The following MYO5C variants were observed in gnomAD, a reference collection of about 807,000 sequenced individuals.
MYO5C encodes the protein unconventional myosin-Vc.
MYO5C carries 194 observed loss-of-function variants against 235.7 expected under a neutral mutation model. That is an observed-to-expected ratio of 0.82 (90% confidence interval 0.73 to 0.93). The LOEUF is 0.93. MYO5C is among the 40% of genes least tolerant of loss of function. The pLI is 0.00. For missense variants in MYO5C, 2,038 were observed against 2,127.2 expected, an observed-to-expected ratio of 0.96 and a Z score of 0.82; for synonymous variants, 707 against 754.8, an observed-to-expected ratio of 0.94 and a Z score of 1.04.
chr15:52,283,125 G>A (rs1258444941), intron 1 of MYO5C, among the ~76,000 whole-genome samples: 4 of 152,098 alleles, frequency 2.6e-5, no homozygotes, highest in African/African-American at 7.2e-5. Context: ...AACCTTGAAC[G>A]CTGAAAGCCT....
Position 52,205,858 on chromosome 15 carries a change from G to A in MYO5C, c.4495C>T (p.Gln1499Ter). Residue 1499 changes from glutamine to a stop codon, truncating the protein, a stop_gained, in exon 37 of 41, where the codon CAA (glutamine) becomes TAA (stop). Coordinates refer to ENST00000261839, the MANE Select transcript of MYO5C (RefSeq NM_018728.4). LOFTEE classifies it high-confidence loss of function. The part of the protein sequence containing the change: ...LSDVAIRIYH[Q>*]FIIIMEKNIQ... ...TTCTTTTCCATTATGATAATAAATT[G>A]ATGATATATTCGTATAGCCACATCA... 1.3e-6 allele frequency: 2 copies of A among 1,587,502 alleles called. No homozygotes were observed. Among genetic ancestry groups the A allele is most frequent in the African/African-American group, 2.7e-5 (2 of 74,458 alleles).
intron 24 of MYO5C, 144 bp downstream of exon 24, chr15:52,232,478 C>T (rs577466349): frequency 4.0e-6 from 3 of 753,182 alleles, no homozygotes; most frequent in Non-Finnish European, 6.9e-6. Flanking sequence ...ACTTAGCTCT[C>T]ATAAATCTCT....
At chr15:52,251,348 A>G in intron 13 of MYO5C, 42 bp downstream of exon 13, 1 of 1,544,990 alleles carries the variant, frequency 6.5e-7, no homozygotes, top group Non-Finnish European at 8.8e-7. Context: ...GAGGCTGTAC[A>G]GGTTCCGGGG....
rs571018388 is a variant in MYO5C, at chr15:52,245,555, T to C, written c.2067-90A>G. ...GCTGCCTTACCTGCCACTGTTGTCA[T>C]AGGGCGGGGGTGGTGCAATCTGTCC... On this transcript the variant is annotated intron_variant, in intron 17 of 40. Transcript: ENST00000261839. 5.1e-5 allele frequency: 46 copies of C among 901,118 alleles called. No homozygotes were observed. The African/African-American group carries it at 7.5e-4, about 15-fold the overall frequency. 55.8% of individuals were successfully genotyped at this position (901,118 alleles called of 1,614,324 possible).
At chr15:52,272,496 G>C in intron 6 of MYO5C, 84 bp downstream of exon 6, 1 of 1,342,424 alleles carries the variant, frequency 7.4e-7, no homozygotes, top group Non-Finnish European at 1.0e-6. Flanking sequence ...TCACAGCATA[G>C]TGTAGCTTGC....
intron 10 of MYO5C, among the ~76,000 whole-genome samples, chr15:52,257,971 G>A (rs966543578): frequency 5.3e-5 from 8 of 152,150 alleles, no homozygotes; most frequent in Non-Finnish European, 1.0e-4. Flanking sequence ...CATTCCACAC[G>A]CAGCCTTGGT....
At position 52,223,708 on chromosome 15, in the gene MYO5C, A is replaced by G; in HGVS notation, c.3463T>C (p.Phe1155Leu). The change falls in exon 29 of 41, where the codon TTC becomes CTC. Residue 1155 changes from phenylalanine to leucine, a missense_variant. Transcript: ENST00000261839. ...TCATAGCAATCCTTCTGAGACTGGA[A>G]ATGGCTCTCCAAAACACTATTAAAG... ...KKATRVLESH[F>L]QSQKDCYEKE... is the part of the protein sequence containing the mutation. 1 of 1,614,016 alleles carries G rather than the reference A, an allele frequency of 6.2e-7. No individual in the cohort carries two copies. Among genetic ancestry groups the G allele is most frequent in the South Asian group, 1.1e-5 (1 of 91,022 alleles).
intron 1 of MYO5C, among the ~76,000 whole-genome samples, chr15:52,290,143 C>CT (rs1228551092): frequency 6.6e-6 from 1 of 152,128 alleles, no homozygotes; most frequent in African/African-American, 2.4e-5. Flanking sequence ...GGCATTTGAA[C>CT]TTTAAGAGCC....
chr15:52,241,189 C>T (rs1473109542), intron 20 of MYO5C, among the ~76,000 whole-genome samples: 2 of 151,860 alleles, frequency 1.3e-5, no homozygotes, highest in Non-Finnish European at 2.9e-5. Context: ...AGTTGGACAC[C>T]CTGGACATCC....
chr15:52,277,977 G>T (rs1223106401), intron 4 of MYO5C: 3 of 455,910 alleles, frequency 6.6e-6, no homozygotes, highest in African/African-American at 4.0e-5. Flanking sequence ...ATGCAGTAAA[G>T]ATTTAGGTAA....
intron 18 of MYO5C, among the ~76,000 whole-genome samples, chr15:52,244,803 G>A (rs963399925): frequency 2.0e-5 from 3 of 152,222 alleles, no homozygotes; most frequent in African/African-American, 7.2e-5. Flanking sequence ...GAGAAGGGGA[G>A]TGAGTGTCAT....
At position 52,233,946 on chromosome 15, in the gene MYO5C, T is replaced by C. The variant is rs77859936; in HGVS notation, c.2963-1261A>G. 6.4e-3 allele frequency among the ~76,000 whole-genome samples: 976 copies of C among 152,298 alleles called. 9 individuals carry two copies. The highest frequency in any genetic ancestry group is 0.011 in the Non-Finnish European group (717 of 68,016). ...TTTTTTTTAGCCAACAGTTTAATAG[T>C]TTGTCTAACATAGTGCCAAATGTTT... On this transcript the variant is annotated intron_variant, in intron 23 of 40. Transcript: ENST00000261839.
At chr15:52,230,710 C>G (rs1232935508) in intron 24 of MYO5C, among the ~76,000 whole-genome samples, 1 of 150,706 alleles carries the variant, frequency 6.6e-6, no homozygotes, top group East Asian at 2.0e-4. Context: ...CACATAACCT[C>G]TTTTTTCTAC....
chr15:52,229,051 T>C (rs2035891512), intron 25 of MYO5C, 82 bp downstream of exon 25: 2 of 1,535,586 alleles, frequency 1.3e-6, no homozygotes, highest in Admixed American at 3.6e-5. Context: ...CAGATGCTTT[T>C]AGCTGTCTAA....
At chr15:52,218,281 C>T (rs1344513433) in intron 32 of MYO5C, among the ~76,000 whole-genome samples, 1 of 152,136 alleles carries the variant, frequency 6.6e-6, no homozygotes. Flanking sequence ...TGGGGAACTA[C>T]GGCCTGCACC....
intron 12 of MYO5C, 41 bp downstream of exon 12, chr15:52,253,276 C>G (rs919438591): frequency 5.1e-6 from 8 of 1,581,892 alleles, no homozygotes; most frequent in Non-Finnish European, 4.3e-6. Flanking sequence ...TCATCTGTTA[C>G]TACTTAAAAG....
chr15:52,203,189 C>T (rs1211958453), intron 38 of MYO5C, among the ~76,000 whole-genome samples: 1 of 151,084 alleles, frequency 6.6e-6, no homozygotes, highest in East Asian at 2.0e-4. Flanking sequence ...CTCCCAAAGT[C>T]CTGGGATTAC....
At chr15:52,272,055 T>A (rs1329675553) in intron 6 of MYO5C, among the ~76,000 whole-genome samples, 1 of 152,154 alleles carries the variant, frequency 6.6e-6, no homozygotes. Flanking sequence ...CCAGAGAAAG[T>A]GTTATTAAAT....
chr15:52,288,788 C>T (rs1419035713), intron 1 of MYO5C, among the ~76,000 whole-genome samples: 4 of 152,322 alleles, frequency 2.6e-5, no homozygotes, highest in South Asian at 4.1e-4. Flanking sequence ...AGCCCTTCAG[C>T]GGAGCCAGGA....
Sources: allele counts gnomAD v4.1 joint callset (sites outside exome capture counted in the v4.1 genomes callset), GRCh38; gene constraint gnomAD v4.1.1; transcripts MANE v1.5; gene names NCBI Gene and HGNC (gene_info 2026-07-23, HGNC 2026-07-21).